Variants in PIR observed in about 807,000 individuals in gnomAD.
PIR encodes the protein pirin (iron-binding nuclear protein).
PIR carries 22 observed loss-of-function variants against 24.2 expected under a neutral mutation model. The observed-to-expected ratio is 0.91, with a 90% confidence interval of 0.65 to 1.30. The LOEUF is 1.30. Among genes scored for constraint, PIR ranks in the 50% most tolerant of loss-of-function variants. The pLI is 0.00. For synonymous variants in PIR, 80 were observed against 79.6 expected (o/e 1.00, Z -0.03); for missense variants, 220 against 220.3 (o/e 1.00, Z 0.01).
chrX:15,412,022 T>A (rs1602252647), intron 6 of PIR, among the ~76,000 whole-genome samples: 1 of 111,687 alleles, frequency 9.0e-6, no homozygotes, highest in Middle Eastern at 4.6e-3. Context: ...TACCTTGAAA[T>A]AATTTTCAGT....
intron 8 of PIR, among the ~76,000 whole-genome samples, chrX:15,396,721 C>T (rs937633906): frequency 2.4e-4 from 27 of 110,564 alleles, no homozygotes; most frequent in Non-Finnish European, 3.8e-4. Context: ...TCCTATCTTC[C>T]TCTCAGTTCA....
chrX:15,484,868 C>T (rs1021602222), intron 2 of PIR, among the ~76,000 whole-genome samples: 3 of 111,791 alleles, frequency 2.7e-5, no homozygotes, highest in Non-Finnish European at 3.8e-5. Flanking sequence ...GTTGAGAGAC[C>T]GGGTTCCTCT....
chrX:15,480,119 G>T (rs754133250), intron 2 of PIR, among the ~76,000 whole-genome samples: 1 of 109,873 alleles, frequency 9.1e-6, no homozygotes, highest in African/African-American at 3.3e-5. Flanking sequence ...TTGTGACAGT[G>T]AATGGGTCTC....
At chrX:15,488,928 A>G (rs1923019171) in intron 2 of PIR, among the ~76,000 whole-genome samples, 1 of 111,665 alleles carries the variant, frequency 9.0e-6, no homozygotes, top group Non-Finnish European at 1.9e-5. Context: ...TTATTGTGGT[A>G]AAATATACAT....
At chrX:15,435,083 C>T (rs1325115814) in intron 5 of PIR, among the ~76,000 whole-genome samples, 4 of 109,704 alleles carry the variant, frequency 3.6e-5, no homozygotes, top group Non-Finnish European at 7.6e-5. Context: ...TAGTGGCGGG[C>T]GCCTGTAATC....
At chrX:15,428,005 A>G (rs1205991548) in intron 5 of PIR, among the ~76,000 whole-genome samples, 1 of 111,879 alleles carries the variant, frequency 8.9e-6, no homozygotes, top group Non-Finnish European at 1.9e-5. Context: ...AATCTTGACT[A>G]TCAAAAGATT....
intron 3 of PIR, among the ~76,000 whole-genome samples, chrX:15,462,753 G>A (rs1218816868): frequency 1.8e-5 from 2 of 111,720 alleles, no homozygotes; most frequent in African/African-American, 6.5e-5. Flanking sequence ...TGTATATTTA[G>A]GACATAATCA....
chrX:15,398,669 G>GGT (rs371177726), intron 7 of PIR, among the ~76,000 whole-genome samples: 7,765 of 75,993 alleles, frequency 0.1, 486 homozygotes, highest in African/African-American at 0.2. Flanking sequence ...GAGGAGGGAG[G>GGT]GTGTGTGTGT....
chrX:15,474,975 TAGAG>T (rs945603535), intron 3 of PIR, among the ~76,000 whole-genome samples: 2 of 111,535 alleles, frequency 1.8e-5, no homozygotes, highest in Non-Finnish European at 3.8e-5. Context: ...CCCTGAACAA[TAGAG>T]AGTCTTTATG....
At chrX:15,471,619 T>A (rs1207608560) in intron 3 of PIR, among the ~76,000 whole-genome samples, 1 of 111,469 alleles carries the variant, frequency 9.0e-6, no homozygotes, top group Non-Finnish European at 1.9e-5. Context: ...ATACCGCGAC[T>A]TTCACCTTTA....
At chrX:15,416,842 T>G (rs1048181430) in intron 6 of PIR, among the ~76,000 whole-genome samples, 6 of 112,148 alleles carry the variant, frequency 5.4e-5, no homozygotes, top group African/African-American at 1.9e-4. Flanking sequence ...CTTGAGGAAC[T>G]GAATGCTGCC....
intron 6 of PIR, among the ~76,000 whole-genome samples, chrX:15,419,852 T>C (rs113971566): frequency 0.028 from 2,853 of 101,267 alleles, 100 homozygotes; most frequent in African/African-American, 0.096. Flanking sequence ...GCCGAGATCA[T>C]GCCATTGCAC....
At chrX:15,409,096 T>C (rs930104987) in intron 6 of PIR, among the ~76,000 whole-genome samples, 1 of 13,921 alleles carries the variant, frequency 7.2e-5, no homozygotes, top group East Asian at 1.0e-3. Flanking sequence ...TTTTTCTCCC[T>C]TTTTTTTTTT....
chrX:15,418,565 A>G (rs1304207665), intron 6 of PIR, among the ~76,000 whole-genome samples: 2 of 112,222 alleles, frequency 1.8e-5, no homozygotes, highest in Non-Finnish European at 3.8e-5. Flanking sequence ...TTTGTAAGTG[A>G]TGCACCGTCC....
chrX:15,443,634 T>C (rs1308925376), intron 5 of PIR, among the ~76,000 whole-genome samples: 1 of 112,026 alleles, frequency 8.9e-6, no homozygotes, highest in African/African-American at 3.2e-5. Flanking sequence ...CTAATGGATC[T>C]GGGCAAAGTA....
chrX:15,389,248 A>G (rs2079147533), intron 9 of PIR, among the ~76,000 whole-genome samples: 1 of 112,495 alleles, frequency 8.9e-6, no homozygotes, highest in South Asian at 3.6e-4. Flanking sequence ...GTTGAGAGAA[A>G]AGGAAACAAG....
At chrX:15,458,264 G>T (rs756427542) in intron 4 of PIR, among the ~76,000 whole-genome samples, 2 of 111,746 alleles carry the variant, frequency 1.8e-5, no homozygotes, top group South Asian at 7.5e-4. Context: ...TCATTTACTA[G>T]CTCTGAGGCT....
At chrX:15,433,335 C>CAG (rs1436406738) in intron 5 of PIR, among the ~76,000 whole-genome samples, 2 of 109,397 alleles carry the variant, frequency 1.8e-5, no homozygotes, top group Non-Finnish European at 1.9e-5. Flanking sequence ...AAAGAGCAAC[C>CAG]AGAGACACAA....
chrX:15,398,139 C>G (rs1422917204), intron 7 of PIR, among the ~76,000 whole-genome samples: 2 of 110,520 alleles, frequency 1.8e-5, no homozygotes, highest in African/African-American at 3.3e-5. Flanking sequence ...GGAGATATAC[C>G]TAATGTAAAT....
Sources: allele counts gnomAD v4.1 joint callset (sites outside exome capture counted in the v4.1 genomes callset), GRCh38; gene constraint gnomAD v4.1.1; transcripts MANE v1.5; gene names NCBI Gene and HGNC (gene_info 2026-07-23, HGNC 2026-07-21).